ATP2B1: variants seen among roughly 807,000 people sequenced by gnomAD.
ATP2B1 encodes ATPase plasma membrane Ca2+ transporting 1.
In ATP2B1, 14 loss-of-function variants were observed where a neutral mutation model predicts 124.2. The ratio of observed to expected loss-of-function variants is 0.11; its 90% CI spans 0.07 to 0.18. The LOEUF (loss-of-function observed/expected upper bound fraction) is 0.18. ATP2B1 is among the 10% of genes least tolerant of loss of function. ATP2B1 has a pLI of 1.00. For missense variants in ATP2B1, 763 were observed against 1,466.1 expected (o/e 0.52, Z 7.83); for synonymous variants, 449 against 492.4 (o/e 0.91, Z 1.17).
At chr12:89,699,965 C>T (rs889452000) in intron 1 of ATP2B1, among the ~76,000 whole-genome samples, 1 of 151,916 alleles carries the variant, frequency 6.6e-6, no homozygotes, top group African/African-American at 2.4e-5. Flanking sequence ...CTACCTCAGC[C>T]TCCCAAGTAG....
At chr12:89,686,855 CTGAG>C (rs1187444361) in intron 1 of ATP2B1, among the ~76,000 whole-genome samples, 1 of 152,002 alleles carries the variant, frequency 6.6e-6, no homozygotes, top group Non-Finnish European at 1.5e-5. Flanking sequence ...TAAGAGAAAA[CTGAG>C]TATTAGTCCA....
chr12:89,670,533 G>T (rs749585615), intron 1 of ATP2B1, among the ~76,000 whole-genome samples: 60 of 151,876 alleles, frequency 4.0e-4, no homozygotes, highest in Admixed American at 1.1e-3. Flanking sequence ...AGATCCCGTC[G>T]TGCAAGTATT....
In ATP2B1 at chr12:89,621,567, A is replaced by G; in HGVS notation, c.1569T>C (p.Ala523=). The G allele has an allele frequency of 6.3e-7, 1 of 1,579,170 alleles. No homozygotes were observed. Among genetic ancestry groups the G allele is most frequent in the East Asian group, 2.2e-5 (1 of 44,522 alleles). ...YLVTGISVNC[A]YTSKILPPEK... ...ACCTTACCAATATTTTTGATGTATA[A>G]GCACAATTCACAGAAATTCCTGTTA... is the stretch of plus-strand genomic sequence containing the variant. The change falls in exon 10 of 21, where the codon GCT becomes GCC. Residue 523 remains alanine, a synonymous_variant. Coordinates refer to ENST00000428670, the MANE Select transcript of ATP2B1 (RefSeq NM_001366521.1).
chr12:89,682,775 G>C (rs957011494), intron 1 of ATP2B1, among the ~76,000 whole-genome samples: 1 of 152,106 alleles, frequency 6.6e-6, no homozygotes, highest in Non-Finnish European at 1.5e-5. Flanking sequence ...CTCTGTAATC[G>C]GAGTACAGGG....
At chr12:89,661,352 T>A (rs1182661890) in intron 1 of ATP2B1, among the ~76,000 whole-genome samples, 1 of 152,214 alleles carries the variant, frequency 6.6e-6, no homozygotes, top group Non-Finnish European at 1.5e-5. Flanking sequence ...TGTTAAATCA[T>A]GGTTACAAAG....
intron 1 of ATP2B1, among the ~76,000 whole-genome samples, chr12:89,666,672 G>A (rs1353299264): frequency 4.6e-5 from 7 of 152,192 alleles, no homozygotes; most frequent in African/African-American, 9.7e-5. Context: ...ATCTGGCTGA[G>A]CAATGTTGGT....
intron 2 of ATP2B1, among the ~76,000 whole-genome samples, chr12:89,646,618 G>T (rs1884484722): frequency 2.0e-5 from 3 of 152,192 alleles, no homozygotes; most frequent in Admixed American, 2.0e-4. Flanking sequence ...ACAGACCAGA[G>T]AATGGAACAC....
chr12:89,639,970 A>G (rs1883262128), intron 3 of ATP2B1, among the ~76,000 whole-genome samples: 1 of 152,248 alleles, frequency 6.6e-6, no homozygotes, highest in South Asian at 2.1e-4. Flanking sequence ...TGATAGTGAC[A>G]GCTAGACAGG....
At position 89,610,367 on chromosome 12, in the gene ATP2B1, G is replaced by A. The variant is rs1877771473; in HGVS notation, c.2335+54C>T. 2.1e-6 allele frequency: 3 copies of A among 1,413,806 alleles called. No homozygotes were observed. The Admixed American group carries it at 5.1e-5, about 24-fold the overall frequency. The allele number at this position is 1,413,806 out of a possible 1,614,324, so 87.6% of individuals were successfully genotyped here. A position where few individuals can be genotyped will look rare whatever the true frequency, so the allele number is the denominator to read the frequency against. ...TCAGTATCTATTACTATTCTGGGAA[G>A]CAGAACACATTTCTGTATTAAGAAA... On this transcript the variant is annotated intron_variant, in intron 14 of 20. Transcript: ENST00000428670.
upstream of ATP2B1, chr12:89,709,246 C>T (rs1892928467): frequency 6.6e-6 from 1 of 151,456 alleles, no homozygotes; most frequent in Admixed American, 6.6e-5. Context: ...TCCCTTTTCT[C>T]CACACCCACA....
intron 1 of ATP2B1, among the ~76,000 whole-genome samples, chr12:89,703,562 G>A: frequency 6.6e-6 from 1 of 152,092 alleles, no homozygotes; most frequent in East Asian, 1.9e-4. Flanking sequence ...ACACACTACT[G>A]TAAGGATACA....
intron 15 of ATP2B1, among the ~76,000 whole-genome samples, chr12:89,607,808 A>C (rs1251758404): frequency 1.3e-5 from 2 of 152,170 alleles, no homozygotes; most frequent in African/African-American, 4.8e-5. Context: ...CATGTTCACT[A>C]CAGATGCAAC....
intron 12 of ATP2B1, chr12:89,612,015 C>T (rs1483657563): frequency 1.3e-5 from 2 of 152,116 alleles, no homozygotes; most frequent in African/African-American, 2.4e-5. Flanking sequence ...GCTCTCTTAT[C>T]CTACATCCTT....
intron 1 of ATP2B1, among the ~76,000 whole-genome samples, chr12:89,692,500 C>T (rs921671139): frequency 5.3e-5 from 8 of 152,160 alleles, no homozygotes; most frequent in Admixed American, 4.6e-4. Flanking sequence ...TCTGGCCACT[C>T]ATGACCCTGA....
At chr12:89,707,163 C>T (rs755960518) in intron 1 of ATP2B1, among the ~76,000 whole-genome samples, 3 of 152,094 alleles carry the variant, frequency 2.0e-5, no homozygotes, top group Non-Finnish European at 4.4e-5. Context: ...CCCAATCCAC[C>T]CCTGCCACAC....
At chr12:89,697,410 T>C (rs1019668977) in intron 1 of ATP2B1, among the ~76,000 whole-genome samples, 5 of 152,190 alleles carry the variant, frequency 3.3e-5, no homozygotes, top group South Asian at 4.1e-4. Context: ...GAGTTATCCA[T>C]AGACTGTCTT....
At chr12:89,660,484 G>C (rs1886573268) in intron 1 of ATP2B1, among the ~76,000 whole-genome samples, 1 of 152,208 alleles carries the variant, frequency 6.6e-6, no homozygotes. Flanking sequence ...TTAATTTGGT[G>C]TTAATTAGCA....
At chr12:89,594,503 C>T (rs907972231) in intron 20 of ATP2B1, 2 of 151,074 alleles carry the variant, frequency 1.3e-5, no homozygotes, top group African/African-American at 4.9e-5. Context: ...CTCTGTGGAG[C>T]ATACTTATAC....
chr12:89,693,934 A>G (rs1366617600), intron 1 of ATP2B1, among the ~76,000 whole-genome samples: 1 of 151,642 alleles, frequency 6.6e-6, no homozygotes, highest in South Asian at 2.1e-4. Flanking sequence ...ATTATCCTAC[A>G]CCTCTCTCCA....
Sources: gnomAD v4.1 joint callset for allele counts (sites outside exome capture counted in the v4.1 genomes callset) on GRCh38, gnomAD v4.1.1 for gene constraint, MANE v1.5 for transcripts, NCBI Gene and HGNC (gene_info 2026-07-23, HGNC 2026-07-21) for gene names.